MAGI1: variants seen among roughly 807,000 people sequenced by gnomAD.
The protein encoded by MAGI1 is membrane-associated guanylate kinase, WW and PDZ domain-containing protein 1.
A neutral mutation model predicts 139.9 loss-of-function variants in MAGI1; 58 were observed. The observed-to-expected ratio is 0.41, with a 90% CI of 0.34 to 0.52. The LOEUF (loss-of-function observed/expected upper bound fraction) is 0.52. Ranked by LOEUF, MAGI1 falls within the 20% of genes least tolerant of loss-of-function variation. The pLI, the probability that MAGI1 is intolerant of heterozygous loss-of-function variation, is 0.12. For synonymous variants in MAGI1, 812 were observed against 737.9 expected (o/e 1.10, Z -1.63); for missense variants, 1,874 against 1,901.6 (o/e 0.99, Z 0.27).
intron 1 of MAGI1, among the ~76,000 whole-genome samples, chr3:65,716,267 T>A (rs1276768232): frequency 6.6e-6 from 1 of 152,214 alleles, no homozygotes; most frequent in Non-Finnish European, 1.5e-5. Context: ...ACAGGCCAGC[T>A]GATTGTAATC....
intron 2 of MAGI1, among the ~76,000 whole-genome samples, chr3:65,500,907 A>T (rs2077055791): frequency 6.6e-6 from 1 of 152,230 alleles, no homozygotes; most frequent in Non-Finnish European, 1.5e-5. Context: ...TCATTTTCCT[A>T]TTCTAACACA....
intron 1 of MAGI1, among the ~76,000 whole-genome samples, chr3:65,653,420 C>T (rs1412079154): frequency 3.9e-5 from 6 of 152,108 alleles, no homozygotes; most frequent in South Asian, 2.1e-4. Context: ...ATGGGCTTTC[C>T]GATGTGCTTA....
At chr3:65,468,947 C>CAATCAATAAATA (rs1553648865) in intron 5 of MAGI1, among the ~76,000 whole-genome samples, 1 of 134,714 alleles carries the variant, frequency 7.4e-6, no homozygotes, top group Non-Finnish European at 1.6e-5. Flanking sequence ...GGAAGGGAAA[C>CAATCAATAAATA]AATAAATAAA....
At chr3:65,712,585 T>C (rs763580772) in intron 1 of MAGI1, among the ~76,000 whole-genome samples, 4 of 152,052 alleles carry the variant, frequency 2.6e-5, no homozygotes, top group Non-Finnish European at 5.9e-5. Context: ...TGATCTCAGC[T>C]CACTACAACC....
intron 1 of MAGI1, among the ~76,000 whole-genome samples, chr3:65,948,241 G>A (rs1315366026): frequency 6.6e-6 from 1 of 152,110 alleles, no homozygotes; most frequent in Non-Finnish European, 1.5e-5. Flanking sequence ...ACTGCACCCA[G>A]CCTGGCAGTA....
At chr3:65,370,940 T>C (rs959220930) in intron 18 of MAGI1, among the ~76,000 whole-genome samples, 2 of 152,238 alleles carry the variant, frequency 1.3e-5, no homozygotes, top group Non-Finnish European at 2.9e-5. Flanking sequence ...TACAGGCGTG[T>C]GCCACTGCAC....
Position 65,356,251 on chromosome 3 carries a change from T to C in MAGI1, c.*127A>G, listed in dbSNP as rs1338770088. ...TATAAGATTTCAAATGCATAAAATG[T>C]TTGTTGTTATTCATAGGATCATCAG... On this transcript the variant is annotated 3_prime_UTR_variant, in exon 23 of 23. Coordinates refer to ENST00000402939, the MANE Select transcript of MAGI1 (RefSeq NM_001033057.2). 1.2e-6 allele frequency: 1 copy of C among 853,120 alleles called. No homozygotes were observed. Among genetic ancestry groups the C allele is most frequent in the Non-Finnish European group, 1.7e-6 (1 of 582,116 alleles). 52.8% of individuals were successfully genotyped at this position (853,120 alleles called of 1,614,324 possible). A position where few individuals can be genotyped will look rare whatever the true frequency, so the allele number is the denominator to read the frequency against.
At chr3:65,429,121 T>C (rs1252219667) in intron 12 of MAGI1, among the ~76,000 whole-genome samples, 3 of 151,848 alleles carry the variant, frequency 2.0e-5, no homozygotes, top group African/African-American at 7.3e-5. Context: ...TATTATTTTT[T>C]ATATATATAT....
chr3:65,938,859 A>G (rs942099707), intron 1 of MAGI1, among the ~76,000 whole-genome samples: 1 of 152,232 alleles, frequency 6.6e-6, no homozygotes, highest in African/African-American at 2.4e-5. Context: ...CCTCAAAGAC[A>G]AAAGAACTGG....
At chr3:65,829,307 T>A (rs2042399803) in intron 1 of MAGI1, among the ~76,000 whole-genome samples, 1 of 152,190 alleles carries the variant, frequency 6.6e-6, no homozygotes. Context: ...TGCTATGGTC[T>A]GAATGTCAGT....
chr3:65,828,082 C>G (rs1404064462), intron 1 of MAGI1, among the ~76,000 whole-genome samples: 1 of 152,212 alleles, frequency 6.6e-6, no homozygotes, highest in Non-Finnish European at 1.5e-5. Flanking sequence ...TCTGCAGTGA[C>G]AAGAGCCCAT....
chr3:65,574,508 C>T (rs1333280311), intron 2 of MAGI1, among the ~76,000 whole-genome samples: 1 of 150,566 alleles, frequency 6.6e-6, no homozygotes, highest in East Asian at 2.0e-4. Context: ...ATGGGCAATA[C>T]TTTTAAAATG....
chr3:66,010,192 A>G (rs752036601), intron 1 of MAGI1, among the ~76,000 whole-genome samples: 6 of 151,892 alleles, frequency 4.0e-5, no homozygotes, highest in Non-Finnish European at 5.9e-5. Flanking sequence ...CATCACATGT[A>G]TTAGTAAGTC....
chr3:65,360,545 T>C (rs1575595723), intron 22 of MAGI1: 1 of 984,896 alleles, frequency 1.0e-6, no homozygotes, highest in East Asian at 1.1e-4. Context: ...TATAGTCACA[T>C]GTTTCCCTCA....
chr3:65,670,679 G>C (rs2086799377), intron 1 of MAGI1, among the ~76,000 whole-genome samples: 1 of 152,020 alleles, frequency 6.6e-6, no homozygotes, highest in Non-Finnish European at 1.5e-5. Flanking sequence ...GATCATGTTT[G>C]GTACCCATGG....
At chr3:65,429,239 A>G (rs1211473083) in intron 12 of MAGI1, among the ~76,000 whole-genome samples, 2 of 152,154 alleles carry the variant, frequency 1.3e-5, no homozygotes, top group Admixed American at 1.3e-4. Context: ...CCAGGACTAC[A>G]GGTGGGTACC....
chr3:65,687,723 C>G (rs72908159), intron 1 of MAGI1: 3 of 534,654 alleles, frequency 5.6e-6, no homozygotes, highest in East Asian at 5.2e-5. Flanking sequence ...GAAACAAAGT[C>G]GGGGGAAGCC....
intron 22 of MAGI1, among the ~76,000 whole-genome samples, chr3:65,358,211 GA>G (rs1406161897): frequency 6.6e-6 from 1 of 152,096 alleles, no homozygotes; most frequent in Non-Finnish European, 1.5e-5. Context: ...GCAGTGTCCT[GA>G]ATTGAGGAGA....
At position 65,458,583 on chromosome 3, in the gene MAGI1, A is replaced by G. The variant is rs146134426; in HGVS notation, c.960-5243T>C. Among the ~76,000 whole-genome samples the G allele has an allele frequency of 3.1e-3, 467 of 152,206 alleles. 4 individuals are homozygous for G. Among genetic ancestry groups the G allele is most frequent in the Middle Eastern group, 0.02 (6 of 294 alleles). ...TCAGTGATGTTGAGCACCTTTTCAC[A>G]TATCTGTCTGCCATCTGGAGTCTTC... On this transcript the variant is annotated intron_variant, in intron 5 of 22. Coordinates refer to ENST00000402939, the MANE Select transcript of MAGI1 (RefSeq NM_001033057.2).
Sources: allele counts gnomAD v4.1 joint callset (sites outside exome capture counted in the v4.1 genomes callset), GRCh38; gene constraint gnomAD v4.1.1; transcripts MANE v1.5; gene names NCBI Gene and HGNC (gene_info 2026-07-23, HGNC 2026-07-21).